ACSM2A: variants seen among roughly 807,000 people sequenced by gnomAD.
ACSM2A encodes the protein acyl-CoA synthetase medium chain family member 2A.
Under a neutral mutation model 76.6 loss-of-function variants are expected in ACSM2A, and 72 were observed. The ratio of observed to expected loss-of-function variants is 0.94; its 90% CI spans 0.78 to 1.14. The LOEUF (loss-of-function observed/expected upper bound fraction) is 1.14, where lower values mean the gene tolerates loss of function less well. Among genes scored for constraint, ACSM2A ranks in the 50% most tolerant of loss-of-function variants. The pLI is 0.00. For synonymous variants in ACSM2A, 249 were observed against 255.9 expected (o/e 0.97, Z 0.26); for missense variants, 684 against 708.5 (o/e 0.97, Z 0.39).
At chr16:20,466,185 C>G (rs755211599) in intron 3 of ACSM2A, among the ~76,000 whole-genome samples, 2 of 151,924 alleles carry the variant, frequency 1.3e-5, no homozygotes, top group Non-Finnish European at 2.9e-5. Context: ...GTAGTTGGAA[C>G]AAGAGAGTGT....
At chr16:20,478,048 C>A (rs770591546) in intron 9 of ACSM2A, among the ~76,000 whole-genome samples, 1 of 152,206 alleles carries the variant, frequency 6.6e-6, no homozygotes, top group Non-Finnish European at 1.5e-5. Flanking sequence ...AACTTAGACT[C>A]TATTCAGTGT....
chr16:20,475,997 G>C (rs1433694118), intron 8 of ACSM2A: 4 of 1,193,734 alleles, frequency 3.4e-6, no homozygotes, highest in Non-Finnish European at 4.4e-6. Context: ...TTTGGGGAGA[G>C]AGAAAATAAA....
At chr16:20,466,492 A>G (rs1335212782) in intron 3 of ACSM2A, among the ~76,000 whole-genome samples, 1 of 152,202 alleles carries the variant, frequency 6.6e-6, no homozygotes, top group Non-Finnish European at 1.5e-5. Context: ...GAAGAGTTTA[A>G]TAATTGCATA....
At position 20,483,293 on chromosome 16, in the gene ACSM2A, G is replaced by A. The variant is rs555213827; in HGVS notation, c.1629+116G>A. On this transcript the variant is annotated intron_variant, in intron 13 of 13. Coordinates refer to ENST00000573854, the MANE Select transcript of ACSM2A (RefSeq NM_001308172.2). ...TAATTTTAAAAAGTCTTCCTGGCTGGGCGCGGCAGCTCACGCCTGTAATCC... is the reference window on the plus strand; with the variant it reads ...TAATTTTAAAAAGTCTTCCTGGCTGAGCGCGGCAGCTCACGCCTGTAATCC... 4.0e-6 allele frequency: 6 copies of A among 1,485,674 alleles called. No homozygotes were observed. In the Admixed American group the frequency reaches 1.2e-4, roughly 29 times the overall value. 92.0% of individuals were successfully genotyped at this position (1,485,674 alleles called of 1,614,324 possible).
intron 2 of ACSM2A, among the ~76,000 whole-genome samples, chr16:20,460,622 G>A (rs1447945822): frequency 6.6e-6 from 1 of 150,728 alleles, no homozygotes. Context: ...GAAGAGGCGG[G>A]TTTGAATCTA....
chr16:20,476,732 C>T, intron 8 of ACSM2A: 1 of 1,017,940 alleles, frequency 9.8e-7, no homozygotes, highest in Non-Finnish European at 1.2e-6. Flanking sequence ...TATCTTTTGT[C>T]CAGGCTAGAT....
intron 2 of ACSM2A, among the ~76,000 whole-genome samples, chr16:20,463,278 A>T (rs34033364): frequency 3.4e-4 from 52 of 152,046 alleles, no homozygotes; most frequent in African/African-American, 5.1e-4. Context: ...AAAAAAGAGA[A>T]TATTGTATTT....
intron 6 of ACSM2A, among the ~76,000 whole-genome samples, chr16:20,474,969 G>A (rs2013639515): frequency 3.9e-5 from 6 of 152,112 alleles, no homozygotes; most frequent in Admixed American, 3.9e-4. Context: ...TATAAAGCTG[G>A]CTACAGAAAG....
At chr16:20,473,492 T>A (rs1406217656) in intron 6 of ACSM2A, among the ~76,000 whole-genome samples, 1 of 152,136 alleles carries the variant, frequency 6.6e-6, no homozygotes, top group African/African-American at 2.4e-5. Flanking sequence ...ATAAGGAATA[T>A]GGGATCATTT....
chr16:20,481,132 A>C, intron 12 of ACSM2A: 1 of 618,816 alleles, frequency 1.6e-6, no homozygotes, highest in Admixed American at 3.0e-5. Context: ...ATGAGGGTTA[A>C]ATGTGCTAAT....
intron 2 of ACSM2A, 77 bp downstream of exon 2, chr16:20,460,368 T>G: frequency 6.6e-7 from 1 of 1,506,914 alleles, no homozygotes; most frequent in Non-Finnish European, 8.9e-7. Context: ...TCAGTAAATA[T>G]TTGTTAAGTA....
chr16:20,480,080 A>T (rs1352541901), intron 10 of ACSM2A, among the ~76,000 whole-genome samples: 1 of 152,238 alleles, frequency 6.6e-6, no homozygotes, highest in Non-Finnish European at 1.5e-5. Context: ...CTTATAAGCA[A>T]GTGCCTCAGC....
intron 7 of ACSM2A, 35 bp downstream of exon 7, chr16:20,475,476 G>A: frequency 6.2e-7 from 1 of 1,612,486 alleles, no homozygotes; most frequent in South Asian, 1.1e-5. Context: ...AGAGAGTCTG[G>A]CCCCATCCCC....
chr16:20,473,578 G>A (rs1243578846), intron 6 of ACSM2A, among the ~76,000 whole-genome samples: 1 of 152,028 alleles, frequency 6.6e-6, no homozygotes, highest in African/African-American at 2.4e-5. Flanking sequence ...ATTTTTTCTA[G>A]ACCTTTTGCT....
chr16:20,457,356 A>G (rs1211600862), intron 1 of ACSM2A, among the ~76,000 whole-genome samples: 2 of 152,110 alleles, frequency 1.3e-5, no homozygotes, highest in East Asian at 1.9e-4. Flanking sequence ...AAAAGGATGT[A>G]ACAAAGAAAG....
chr16:20,452,888 C>T (rs2011864197), intron 1 of ACSM2A, among the ~76,000 whole-genome samples: 2 of 151,938 alleles, frequency 1.3e-5, no homozygotes, highest in African/African-American at 4.8e-5. Context: ...TCATGAGAGG[C>T]AAGGAGTTTA....
intron 13 of ACSM2A, 115 bp from the exon 14 acceptor site, chr16:20,486,459 C>G: frequency 1.8e-6 from 2 of 1,132,484 alleles, no homozygotes; most frequent in Admixed American, 1.9e-5. Flanking sequence ...CACAGGGCAG[C>G]TGCCCTGAAG....
chr16:20,481,487 T>A (rs1363765330), intron 12 of ACSM2A: 1 of 153,948 alleles, frequency 6.5e-6, no homozygotes, highest in African/African-American at 2.4e-5. Flanking sequence ...AAATATCACG[T>A]GTTTGCACTC....
intron 6 of ACSM2A, among the ~76,000 whole-genome samples, chr16:20,472,141 C>G (rs1300411710): frequency 1.3e-5 from 2 of 152,120 alleles, no homozygotes; most frequent in African/African-American, 2.4e-5. Flanking sequence ...CAGAGTGCCA[C>G]CATCCTATGT....
Sources: gnomAD v4.1 joint callset for allele counts (sites outside exome capture counted in the v4.1 genomes callset) on GRCh38, gnomAD v4.1.1 for gene constraint, MANE v1.5 for transcripts, NCBI Gene and HGNC (gene_info 2026-07-23, HGNC 2026-07-21) for gene names.